The following LOXL2 variants were observed in gnomAD, a reference collection of about 807,000 sequenced individuals.
The protein encoded by LOXL2 is lysyl oxidase like 2.
A neutral mutation model predicts 93.0 loss-of-function variants in LOXL2; 70 were observed. The ratio of observed to expected loss-of-function variants is 0.75; its 90% CI spans 0.62 to 0.92. The LOEUF is 0.92. LOXL2 is among the 40% of genes least tolerant of loss of function. The probability of loss-of-function intolerance (pLI) is 0.00; values close to 1 mark genes in which losing one functional copy is unlikely to be tolerated. For synonymous variants in LOXL2, 438 were observed against 413.2 expected, an observed-to-expected ratio of 1.06 and a Z score of -0.73; for missense variants, 973 against 1,054.9, an observed-to-expected ratio of 0.92 and a Z score of 1.08.
rs1003579495 is a variant in LOXL2, at chr8:23,341,176, G to A, written c.559C>T (p.Arg187Trp). ...ENLNIQVEDI[R>W]IRAILSTYRK... is the part of the protein sequence containing the mutation. The stretch of plus-strand genomic sequence containing the variant: ...TAGGTTGAGAGGATGGCTCGAATCC[G>A]AATGTCCTCCACCTGGATATTCAGG... The change falls in exon 4 of 14, where the codon CGG becomes TGG. Residue 187 changes from arginine (R) to tryptophan (W), a missense_variant. By Grantham distance (101) the Arg-to-Trp change is moderately radical. Coordinates refer to ENST00000389131, the MANE Select transcript of LOXL2 (RefSeq NM_002318.3). 9 of 1,613,354 alleles carry A rather than the reference G, an allele frequency of 5.6e-6. No homozygotes were observed. In the Admixed American group the frequency reaches 8.3e-5, roughly 15 times the overall value.
chr8:23,382,915 T>C (rs904269372), intron 1 of LOXL2, among the ~76,000 whole-genome samples: 4 of 152,152 alleles, frequency 2.6e-5, no homozygotes, highest in Non-Finnish European at 5.9e-5. Context: ...CCGATTAGCA[T>C]GGCTGAACCC....
chr8:23,368,562 C>T, intron 1 of LOXL2, 128 bp from the exon 2 acceptor site: 2 of 590,432 alleles, frequency 3.4e-6, no homozygotes, highest in Non-Finnish European at 6.1e-6. Context: ...AATCCAGCCC[C>T]ACTCCTACAT....
chr8:23,297,730 G>A lies in LOXL2; in HGVS notation c.*313C>T, dbSNP rs975142003. ...TGTGGTGAGCTCGGTGGCTTGAATG[G>A]GACAAGCTGATGACAACCTGTCTGT... On this transcript the variant is annotated 3_prime_UTR_variant, in exon 14 of 14. Transcript: ENST00000389131. 8.4e-5 allele frequency: 19 copies of A among 225,326 alleles called. No homozygotes were observed. The East Asian group carries it at 1.4e-3, about 16-fold the overall frequency. The allele number at this position is 225,326 out of a possible 1,614,324, so 14.0% of individuals were successfully genotyped here.
chr8:23,323,695 A>AT (rs150356426), intron 6 of LOXL2, among the ~76,000 whole-genome samples: 3 of 135,636 alleles, frequency 2.2e-5, no homozygotes, highest in African/African-American at 5.8e-5. Flanking sequence ...CCAGATCGGG[A>AT]TTTTTTTTTT....
chr8:23,308,037 C>G (rs1325122921), intron 10 of LOXL2, among the ~76,000 whole-genome samples: 1 of 146,300 alleles, frequency 6.8e-6, no homozygotes, highest in Non-Finnish European at 1.5e-5. Context: ...AGTTTGGAGT[C>G]AGACAGGCCC....
At chr8:23,332,721 C>A (rs1297947681) in intron 5 of LOXL2, among the ~76,000 whole-genome samples, 1 of 91,430 alleles carries the variant, frequency 1.1e-5, no homozygotes, top group African/African-American at 4.7e-5. Flanking sequence ...TGCACTCATA[C>A]ACACACACTC....
chr8:23,311,396 G>T (rs183547838), intron 9 of LOXL2, among the ~76,000 whole-genome samples: 1 of 152,224 alleles, frequency 6.6e-6, no homozygotes, highest in South Asian at 2.1e-4. Flanking sequence ...TGGAGGCTAC[G>T]CCAGGATGCA....
At chr8:23,328,703 G>T in intron 5 of LOXL2, 138 bp from the exon 6 acceptor site, 1 of 680,212 alleles carries the variant, frequency 1.5e-6, no homozygotes, top group Non-Finnish European at 2.6e-6. Context: ...TATGCTTGAT[G>T]TATGGATGTG....
chr8:23,336,000 C>T (rs1271978393), intron 4 of LOXL2, among the ~76,000 whole-genome samples: 1 of 152,190 alleles, frequency 6.6e-6, no homozygotes, highest in East Asian at 1.9e-4. Context: ...CTCAGGAGGG[C>T]TATTAATAAT....
chr8:23,368,783 G>A (rs1397858334), intron 1 of LOXL2, among the ~76,000 whole-genome samples: 1 of 152,144 alleles, frequency 6.6e-6, no homozygotes. Flanking sequence ...ACTCAGAGGG[G>A]GCTGTGACCA....
chr8:23,324,518 G>A (rs1803547671), intron 6 of LOXL2, among the ~76,000 whole-genome samples: 2 of 152,130 alleles, frequency 1.3e-5, no homozygotes, highest in South Asian at 2.1e-4. Context: ...GGGTGTCTGT[G>A]GACTTCTGGT....
intron 3 of LOXL2, among the ~76,000 whole-genome samples, chr8:23,354,356 C>T (rs1804147651): frequency 2.0e-5 from 3 of 152,286 alleles, no homozygotes; most frequent in Admixed American, 1.3e-4. Context: ...CAGTGGTCTA[C>T]GACCAGGGTC....
At chr8:23,330,416 CA>C (rs1439142811) in intron 5 of LOXL2, among the ~76,000 whole-genome samples, 1 of 152,138 alleles carries the variant, frequency 6.6e-6, no homozygotes, top group African/African-American at 2.4e-5. Flanking sequence ...TGGCTGGCTG[CA>C]ACCTCTGTTT....
rs1255658870 is a variant in LOXL2 at position 23,317,249 on chromosome 8, T to A, written c.1471-135A>T. ...TTTCAGATCGAAACAGCACGGAGGG[T>A]CACCTATCCAAGCTGTGCAGTTAGT... On this transcript the variant is annotated intron_variant, in intron 8 of 13. Transcript: ENST00000389131. 5.5e-6 allele frequency: 5 copies of A among 915,818 alleles called. No homozygotes were observed. The African/African-American group carries it at 8.2e-5, about 15-fold the overall frequency. 56.7% of individuals were successfully genotyped at this position (915,818 alleles called of 1,614,324 possible).
At position 23,341,093 on chromosome 8, in the gene LOXL2, C is replaced by T. The variant is rs1197613443; in HGVS notation, c.642G>A (p.Trp214Ter). 1.9e-6 allele frequency: 3 copies of T among 1,614,094 alleles called. No individual in the cohort carries two copies. The highest frequency in any genetic ancestry group is 2.5e-6 in the Non-Finnish European group (3 of 1,180,008). Residue 214 changes from tryptophan to a stop codon, truncating the protein, a stop_gained, in exon 4 of 14, where the codon TGG (tryptophan) becomes TGA (stop). Coordinates refer to ENST00000389131, the MANE Select transcript of LOXL2 (RefSeq NM_002318.3). LOFTEE classifies it high-confidence loss of function. ...GYVEVKEGKT[W>*]KQICDKHWTA... ...TCCAGTGCTTGTCACAGATCTGCTT[C>T]CAGGTCTTGCCCTCCTTCACCTCCA...
chr8:23,309,992 A>AC (rs1803297361), intron 9 of LOXL2, 81 bp from the exon 10 acceptor site: 7 of 1,372,748 alleles, frequency 5.1e-6, no homozygotes, highest in Non-Finnish European at 5.7e-6. Flanking sequence ...GCTGGGACAA[A>AC]CCCCCTCTCC....
At chr8:23,328,710 TG>T in intron 5 of LOXL2, 145 bp from the exon 6 acceptor site, 1 of 294,282 alleles carries the variant, frequency 3.4e-6, no homozygotes. Flanking sequence ...GATGTATGGA[TG>T]TGTGTGTGTG....
At chr8:23,341,406 G>A (rs1803881465) in intron 3 of LOXL2, 3 of 596,606 alleles carry the variant, frequency 5.0e-6, no homozygotes, top group South Asian at 1.9e-5. Flanking sequence ...ATGGGAGATA[G>A]TGAGGCTGAA....
intron 1 of LOXL2, among the ~76,000 whole-genome samples, chr8:23,387,928 G>A (rs564644086): frequency 2.0e-5 from 3 of 152,270 alleles, no homozygotes; most frequent in Non-Finnish European, 2.9e-5. Flanking sequence ...CAGCCCGGGC[G>A]ACAAGAGCGA....
Sources: gnomAD v4.1 joint callset for allele counts (sites outside exome capture counted in the v4.1 genomes callset) on GRCh38, gnomAD v4.1.1 for gene constraint, MANE v1.5 for transcripts, NCBI Gene and HGNC (gene_info 2026-07-23, HGNC 2026-07-21) for gene names.